PUM2: variants seen among roughly 807,000 people sequenced by gnomAD.
PUM2 encodes pumilio homolog 2.
PUM2 carries 57 observed loss-of-function variants against 124.5 expected under a neutral mutation model. That is an observed-to-expected ratio of 0.46 (90% CI 0.37 to 0.57). The LOEUF (loss-of-function observed/expected upper bound fraction) is 0.57. PUM2 is among the 20% of genes least tolerant of loss of function. The pLI, the probability that PUM2 is intolerant of heterozygous loss-of-function variation, is 0.00. For missense variants in PUM2, 1,065 were observed against 1,290.6 expected, an observed-to-expected ratio of 0.83 and a Z score of 2.68; for synonymous variants, 460 against 446.1, an observed-to-expected ratio of 1.03 and a Z score of -0.39.
chr2:20,283,164 T>C lies in PUM2; in HGVS notation c.1503A>G (p.Pro501=). The change falls in exon 12 of 21, where the codon CCA becomes CCG. Residue 501 remains proline, a synonymous_variant. Transcript: ENST00000361078. ...GCTGCTGTGGTGGCTGAGTGCCAAT[T>C]GGCCGAAACAGACCATTTGTGCTGC... ...LTGSTNGLFR[P]IGTQPPQQQQ... The C allele has an allele frequency of 6.2e-7, 1 of 1,614,140 alleles. No homozygotes were observed. The highest frequency in any genetic ancestry group is 1.1e-5 in the South Asian group (1 of 91,088).
chr2:20,324,551 T>A (rs1683200231), intron 2 of PUM2, among the ~76,000 whole-genome samples: 1 of 152,196 alleles, frequency 6.6e-6, no homozygotes, highest in South Asian at 2.1e-4. Context: ...GAGAAGCTAA[T>A]AGGTATGAGC....
chr2:20,313,778 G>A (rs1680221003), intron 3 of PUM2, among the ~76,000 whole-genome samples: 1 of 143,840 alleles, frequency 7.0e-6, no homozygotes, highest in Non-Finnish European at 1.5e-5. Flanking sequence ...TGAAGCTGCA[G>A]TGAGCCATGT....
chr2:20,295,738 C>A (rs1037111479), intron 8 of PUM2, among the ~76,000 whole-genome samples: 2 of 152,138 alleles, frequency 1.3e-5, no homozygotes, highest in Non-Finnish European at 2.9e-5. Context: ...ACTCATCCAA[C>A]CTAGCCAGGA....
At chr2:20,303,010 A>C (rs1479899075) in intron 7 of PUM2, among the ~76,000 whole-genome samples, 1 of 152,146 alleles carries the variant, frequency 6.6e-6, no homozygotes, top group Non-Finnish European at 1.5e-5. Context: ...CATGCTGAGG[A>C]CTTCCCAGGC....
intron 17 of PUM2, 37 bp downstream of exon 17, chr2:20,255,996 C>T: frequency 6.7e-7 from 1 of 1,492,586 alleles, no homozygotes; most frequent in Non-Finnish European, 8.9e-7. Flanking sequence ...TAAAATAATG[C>T]CCTGCTAACA....
chr2:20,328,820 A>C (rs535841244), intron 1 of PUM2, among the ~76,000 whole-genome samples: 1 of 152,328 alleles, frequency 6.6e-6, no homozygotes, highest in East Asian at 1.9e-4. Context: ...GACCTATAAA[A>C]TGTCAAAGCC....
chr2:20,300,445 G>A (rs1005858377), intron 7 of PUM2, among the ~76,000 whole-genome samples: 3 of 152,160 alleles, frequency 2.0e-5, no homozygotes, highest in Admixed American at 6.5e-5. Flanking sequence ...CATAGCACCC[G>A]GCCTCAAGTT....
At chr2:20,276,877 T>G (rs1251733498) in intron 13 of PUM2, among the ~76,000 whole-genome samples, 1 of 152,076 alleles carries the variant, frequency 6.6e-6, no homozygotes, top group East Asian at 1.9e-4. Flanking sequence ...TGAAGCTATG[T>G]TAGTCTATAA....
In PUM2 at chr2:20,251,872, T is replaced by C. The variant is rs543569630; in HGVS notation, c.3064-156A>G. ...ACTTTTTGCAAAAGCAGTTGTGATC[T>C]GCTCAATCCCTCCAAACATCTGTTC... On this transcript the variant is annotated intron_variant, in intron 20 of 20. Transcript: ENST00000361078. 5.3e-5 allele frequency among the ~76,000 whole-genome samples: 8 copies of C among 152,364 alleles called. No individual in the cohort carries two copies. The South Asian group carries it at 1.4e-3, about 28-fold the overall frequency.
At chr2:20,332,132 C>T (rs1252276197) in intron 1 of PUM2, among the ~76,000 whole-genome samples, 5 of 152,184 alleles carry the variant, frequency 3.3e-5, no homozygotes, top group Non-Finnish European at 7.3e-5. Context: ...ATTTGGCCTG[C>T]AGGCCATAGT....
intron 10 of PUM2, among the ~76,000 whole-genome samples, chr2:20,284,671 T>G (rs1423646066): frequency 6.6e-6 from 1 of 152,222 alleles, no homozygotes; most frequent in Non-Finnish European, 1.5e-5. Context: ...CTGAAATACA[T>G]TCCAACATCA....
chr2:20,337,100 A>G (rs1043707078), intron 1 of PUM2, among the ~76,000 whole-genome samples: 6 of 152,170 alleles, frequency 3.9e-5, no homozygotes, highest in African/African-American at 1.4e-4. Flanking sequence ...ATCTAAATAC[A>G]TATTTATGAC....
chr2:20,315,796 A>G (rs1454400717), intron 3 of PUM2, among the ~76,000 whole-genome samples: 1 of 147,208 alleles, frequency 6.8e-6, no homozygotes, highest in Non-Finnish European at 1.5e-5. Flanking sequence ...CCCCATCTCT[A>G]CCAAAAATAC....
At chr2:20,258,687 G>A (rs1437037523) in intron 15 of PUM2, among the ~76,000 whole-genome samples, 1 of 119,214 alleles carries the variant, frequency 8.4e-6, no homozygotes. Flanking sequence ...TTGAGACGGA[G>A]TCTCGCTCTG....
chr2:20,341,142 G>A (rs1173737636), intron 1 of PUM2, among the ~76,000 whole-genome samples: 2 of 150,204 alleles, frequency 1.3e-5, no homozygotes, highest in East Asian at 1.9e-4. Context: ...ACATAGCAGG[G>A]GCCACAGCTC....
chr2:20,333,009 C>G (rs1057502595), intron 1 of PUM2: 1 of 151,998 alleles, frequency 6.6e-6, no homozygotes, highest in Non-Finnish European at 1.5e-5. Flanking sequence ...TGGCCAAGAC[C>G]CAGTATAATC....
At chr2:20,261,600 C>T (rs1666299482) in intron 14 of PUM2, among the ~76,000 whole-genome samples, 1 of 150,442 alleles carries the variant, frequency 6.6e-6, no homozygotes, top group Non-Finnish European at 1.5e-5. Context: ...GCACTGTTAT[C>T]ATAGGAGAGG....
intron 9 of PUM2, 80 bp from the exon 10 acceptor site, chr2:20,290,870 T>C (rs1215680143): frequency 1.8e-6 from 2 of 1,136,622 alleles, no homozygotes; most frequent in Non-Finnish European, 2.4e-6. Flanking sequence ...TGTGTATTTA[T>C]TACAAACAGC....
chr2:20,350,582 C>T lies in PUM2; in HGVS notation c.-19+15G>A, dbSNP rs1689159465. The T allele has an allele frequency of 6.1e-6, 6 of 985,354 alleles. No individual in the cohort carries two copies. The highest frequency in any genetic ancestry group is 7.2e-6 in the Non-Finnish European group (6 of 829,966). 61.0% of individuals were successfully genotyped at this position (985,354 alleles called of 1,614,324 possible). A position where few individuals can be genotyped will look rare whatever the true frequency, so the allele number is the denominator to read the frequency against. Reference sequence around the variant, plus strand: ...GCCAAAGGACCGGAGAAAGAGCGAACGCGGACTGACTTACAGGGCTGCTGC... The same window carrying T: ...GCCAAAGGACCGGAGAAAGAGCGAATGCGGACTGACTTACAGGGCTGCTGC... On this transcript the variant is annotated intron_variant, in intron 1 of 20. Coordinates refer to ENST00000361078, the MANE Select transcript of PUM2 (RefSeq NM_015317.5).
Sources: allele counts gnomAD v4.1 joint callset (sites outside exome capture counted in the v4.1 genomes callset), GRCh38; gene constraint gnomAD v4.1.1; transcripts MANE v1.5; gene names NCBI Gene and HGNC (gene_info 2026-07-23, HGNC 2026-07-21).